SASH1: variants seen among roughly 807,000 people sequenced by gnomAD.
SASH1 encodes SAM and SH3 domain-containing protein 1.
A neutral mutation model predicts 125.2 loss-of-function variants in SASH1; 44 were observed. That is an observed-to-expected ratio of 0.35 (90% confidence interval 0.28 to 0.45). SASH1 has a LOEUF of 0.45. Ranked by LOEUF, SASH1 falls within the 20% of genes least tolerant of loss-of-function variation. SASH1 has a pLI of 1.00. For missense variants in SASH1, 1,426 were observed against 1,614.5 expected (o/e 0.88, Z 2.00); for synonymous variants, 639 against 649.1 (o/e 0.98, Z 0.24).
chr6:148,345,863 C>G (rs1215721488), intron 1 of SASH1, among the ~76,000 whole-genome samples: 2 of 152,110 alleles, frequency 1.3e-5, no homozygotes, highest in African/African-American at 2.4e-5. Context: ...TCATGACGCT[C>G]CATAGTTAAC....
chr6:148,521,862 G>C (rs961577600), intron 10 of SASH1, among the ~76,000 whole-genome samples: 7 of 152,190 alleles, frequency 4.6e-5, no homozygotes, highest in African/African-American at 1.7e-4. Flanking sequence ...GTTAATTGAT[G>C]ACTCACCTCT....
chr6:148,486,164 G>C (rs551374571), intron 7 of SASH1, among the ~76,000 whole-genome samples: 1 of 152,076 alleles, frequency 6.6e-6, no homozygotes, highest in Non-Finnish European at 1.5e-5. Context: ...CTTGTCGCCC[G>C]GGCTGGAGTG....
At position 148,529,690 on chromosome 6, in the gene SASH1, T is replaced by A. The variant is rs1157305268; in HGVS notation, c.1429-1836T>A. 6.6e-6 allele frequency among the ~76,000 whole-genome samples: 1 copy of A among 152,182 alleles called. No individual in the cohort carries two copies. The highest frequency in any genetic ancestry group is 1.5e-5 in the Non-Finnish European group (1 of 68,036). On this transcript the variant is annotated intron_variant, in intron 12 of 19. Coordinates refer to ENST00000367467, the MANE Select transcript of SASH1 (RefSeq NM_015278.5). This position sits in a 1 kb window ranked among gnomAD's most constrained non-coding sequence, Gnocchi z 4.2. ...CCATATAGCAATCTTATGTGCTTAG[T>A]TCTGTTTTTTTAAAGCAGCCATTTC...
At chr6:148,523,550 C>T (rs1026042561) in intron 10 of SASH1, among the ~76,000 whole-genome samples, 6 of 150,420 alleles carry the variant, frequency 4.0e-5, no homozygotes, top group African/African-American at 1.5e-4. Flanking sequence ...GAAAACAAGT[C>T]GGTAGTAGCA....
chr6:148,344,755 C>CTTTT (rs762490919), intron 1 of SASH1, among the ~76,000 whole-genome samples: 1 of 143,542 alleles, frequency 7.0e-6, no homozygotes, highest in Admixed American at 7.0e-5. Flanking sequence ...TTTTTCTTTT[C>CTTTT]TTTTTTTTTT....
At chr6:148,339,241 A>ACCAT (rs1781255342), upstream of SASH1, among the ~76,000 whole-genome samples, 2 of 151,928 alleles carry the variant, frequency 1.3e-5, no homozygotes, top group African/African-American at 4.8e-5. Context: ...ACGAGGTTTC[A>ACCAT]CCATGTTGGC....
intron 1 of SASH1, among the ~76,000 whole-genome samples, chr6:148,387,632 CTT>C (rs1257269602): frequency 2.7e-5 from 1 of 37,284 alleles, no homozygotes; most frequent in African/African-American, 9.0e-5. Flanking sequence ...TTCTTTCTTT[CTT>C]TCTTTCTTTC....
chr6:148,417,238 T>C (rs1784857502), intron 2 of SASH1, among the ~76,000 whole-genome samples: 1 of 152,180 alleles, frequency 6.6e-6, no homozygotes, highest in South Asian at 2.1e-4. Flanking sequence ...AAGCCTGTTA[T>C]CAGCCCTGGA....
At chr6:148,261,941 T>A in the SASH1 span, among the ~76,000 whole-genome samples, 7 of 152,148 alleles carry the variant, frequency 4.6e-5, no homozygotes, top group Non-Finnish European at 1.0e-4. Context: ...CTGTCATCTT[T>A]GGTTAACAGT....
chr6:148,534,680 C>A, intron 15 of SASH1, 71 bp from the exon 16 acceptor site: 1 of 1,452,438 alleles, frequency 6.9e-7, no homozygotes, highest in Non-Finnish European at 9.7e-7. Context: ...GGGTTGCAGG[C>A]TAGTTGTTGG....
intron 1 of SASH1, among the ~76,000 whole-genome samples, chr6:148,387,710 A>G (rs1262008850): frequency 7.6e-6 from 1 of 131,638 alleles, no homozygotes; most frequent in Non-Finnish European, 1.6e-5. Flanking sequence ...TTAGTAAATT[A>G]TTTCTTTTCT....
intron 1 of SASH1, among the ~76,000 whole-genome samples, chr6:148,280,067 ATCATT>A (rs1562303267): frequency 1.4e-5 from 1 of 69,822 alleles, no homozygotes. Flanking sequence ...ATTCCCCCCC[ATCATT>A]CCCCCCCGAC....
chr6:148,304,087 G>A (rs1326212568), intron 1 of SASH1, among the ~76,000 whole-genome samples: 1 of 152,008 alleles, frequency 6.6e-6, no homozygotes, highest in Non-Finnish European at 1.5e-5. Context: ...GGTGGATCAC[G>A]AGGTCAGGAG....
intron 1 of SASH1, among the ~76,000 whole-genome samples, chr6:148,279,695 A>C (rs6907637): frequency 0.96 from 146,416 of 152,238 alleles, 70,446 homozygotes; most frequent in African/African-American, 0.99. Context: ...ATCCATCATC[A>C]TTTTAAAAAA....
At position 148,546,357 on chromosome 6, in the gene SASH1, CTG is replaced by C. The variant is rs1782570101; in HGVS notation, c.3480+214_3480+215del. On this transcript the variant is annotated intron_variant, in intron 19 of 19. Transcript: ENST00000367467. ...ATGAAAATTATCCGTAATCCCAACA[CTG>C]TGAAAAACTTTTTAAAGATCCGTCT... is the stretch of plus-strand genomic sequence containing the variant. Among the ~76,000 whole-genome samples, 3 of 152,270 alleles carry C rather than the reference CTG, an allele frequency of 2.0e-5. No individual in the cohort carries two copies. In the South Asian group the frequency reaches 6.2e-4, roughly 32 times the overall value.
chr6:148,465,849 C>T (rs537741647), intron 4 of SASH1, among the ~76,000 whole-genome samples: 12 of 152,270 alleles, frequency 7.9e-5, no homozygotes, highest in Non-Finnish European at 1.2e-4. Context: ...CCACTTCTCC[C>T]GTGGCCCTGA....
intron 1 of SASH1, among the ~76,000 whole-genome samples, chr6:148,300,794 A>C (rs7763618): frequency 0.72 from 110,000 of 151,990 alleles, 39,881 homozygotes; most frequent in South Asian, 0.76. Flanking sequence ...GAATTAAGAT[A>C]CTTTGTTCCT....
At chr6:148,456,611 A>T (rs983080385) in intron 4 of SASH1, among the ~76,000 whole-genome samples, 3 of 152,220 alleles carry the variant, frequency 2.0e-5, no homozygotes, top group African/African-American at 7.2e-5. Context: ...CTGTAATCCA[A>T]GGACTTTGGG....
chr6:148,360,775 T>C (rs1158927656), intron 1 of SASH1, among the ~76,000 whole-genome samples: 2 of 152,238 alleles, frequency 1.3e-5, no homozygotes, highest in East Asian at 3.8e-4. Context: ...TTAAACACTA[T>C]ACTAAGCTCT....
Sources: gnomAD v4.1 joint callset for allele counts (sites outside exome capture counted in the v4.1 genomes callset) on GRCh38, gnomAD v4.1.1 for gene constraint, Gnocchi (gnomAD v3.1) non-coding constraint, MANE v1.5 for transcripts, NCBI Gene and HGNC (gene_info 2026-07-23, HGNC 2026-07-21) for gene names.